CCDC142: variants seen among roughly 807,000 people sequenced by gnomAD.
The protein encoded by CCDC142 is coiled-coil domain-containing protein 142.
CCDC142 carries 67 observed loss-of-function variants against 83.8 expected under a neutral mutation model. The observed-to-expected ratio is 0.80, with a 90% CI of 0.66 to 0.98. The LOEUF (loss-of-function observed/expected upper bound fraction) is 0.98. Ranked by LOEUF, CCDC142 falls within the 50% of genes least tolerant of loss-of-function variation. CCDC142 has a pLI of 0.00. For missense variants in CCDC142, 905 were observed against 946.8 expected (o/e 0.96, Z 0.58); for synonymous variants, 421 against 421.2 (o/e 1.00, Z 0.01).
intron 5 of CCDC142, among the ~76,000 whole-genome samples, chr2:74,479,541 C>T (rs1217774337): frequency 6.6e-6 from 1 of 152,158 alleles, no homozygotes; most frequent in East Asian, 1.9e-4. Context: ...GCTGTTTTTT[C>T]ATTAGTTTTA....
chr2:74,477,533 C>T (rs1672350368), intron 5 of CCDC142, among the ~76,000 whole-genome samples: 1 of 152,162 alleles, frequency 6.6e-6, no homozygotes. Context: ...AACATACCCA[C>T]AAAAGGAACC....
At chr2:74,478,372 T>G (rs1672374244) in intron 5 of CCDC142, among the ~76,000 whole-genome samples, 2 of 151,004 alleles carry the variant, frequency 1.3e-5, no homozygotes, top group African/African-American at 4.9e-5. Context: ...AAAAAATTTT[T>G]TTGTTTTCTG....
At position 74,475,408 on chromosome 2, in the gene CCDC142, A is replaced by G. The variant is rs759022849; in HGVS notation, c.1619-6T>C. 2 of 1,568,912 alleles carry G rather than the reference A, an allele frequency of 1.3e-6. No homozygotes were observed. Among genetic ancestry groups the G allele is most frequent in the Non-Finnish European group, 1.7e-6 (2 of 1,157,918 alleles). On this transcript the variant is annotated splice_polypyrimidine_tract_variant and splice_region_variant and intron_variant, in intron 6 of 8. Transcript: ENST00000393965. ...ACTAGGAGCACTGGGAGGTTCTGGA[A>G]TAGAGAAGACAGAATATAAGGCTGT...
In CCDC142 at chr2:74,475,402, T is replaced by A. The variant is rs138971146; in HGVS notation, c.1619A>T (p.Glu540Val). The A allele has an allele frequency of 2.6e-5, 41 of 1,572,312 alleles. No individual in the cohort carries two copies. The African/African-American group carries it at 5.0e-4, about 19-fold the overall frequency. ...ATACTCACTAGGAGCACTGGGAGGT[T>A]CTGGAATAGAGAAGACAGAATATAA... Reference protein sequence around the residue: ...GRYWRLRLCPEPPSAPSEYAG... With the variant: ...GRYWRLRLCPVPPSAPSEYAG... Residue 540 changes from glutamate to valine, a missense_variant and splice_region_variant, in exon 7 of 9, where the codon GAA (glutamate) becomes GTA (valine). Physicochemically the swap from Glu to Val is moderately radical, Grantham distance 121. Transcript: ENST00000393965.
chr2:74,475,457 G>A, intron 6 of CCDC142, 55 bp from the exon 7 acceptor site: 4 of 1,516,964 alleles, frequency 2.6e-6, no homozygotes, highest in Non-Finnish European at 3.6e-6. Context: ...ACCCCTAAAT[G>A]GAGTGTTTGG....
At chr2:74,477,880 C>A (rs1421201088) in intron 5 of CCDC142, among the ~76,000 whole-genome samples, 1 of 151,794 alleles carries the variant, frequency 6.6e-6, no homozygotes, top group African/African-American at 2.4e-5. Flanking sequence ...CCTGTAATCC[C>A]AGAACTTTGG....
In CCDC142 at chr2:74,477,882, G is replaced by A. The variant is rs532531544; in HGVS notation, c.1504-2156C>T. Among the ~76,000 whole-genome samples the A allele has an allele frequency of 1.4e-4, 22 of 152,044 alleles. No individual in the cohort carries two copies. The East Asian group carries it at 4.3e-3, about 29-fold the overall frequency. ...GTGGAGGCTCATGCCTGTAATCCCA[G>A]AACTTTGGGAGGCCAAGGCGGTGGA... On this transcript the variant is annotated intron_variant, in intron 5 of 8. Coordinates refer to ENST00000393965, the MANE Select transcript of CCDC142 (RefSeq NM_001365575.2).
chr2:74,478,173 T>C (rs1172429285), intron 5 of CCDC142, among the ~76,000 whole-genome samples: 2 of 150,910 alleles, frequency 1.3e-5, no homozygotes, highest in Non-Finnish European at 3.0e-5. Flanking sequence ...GTGATTCTCC[T>C]GCCTCAGCCT....
Position 74,482,471 on chromosome 2 carries a change from T to G in CCDC142, c.367A>C (p.Lys123Gln), listed in dbSNP as rs997338414. Residue 123 changes from lysine (K) to glutamine (Q), a missense_variant, in exon 1 of 9, where the codon AAG becomes CAG. Lys to Gln is a moderately conservative substitution (Grantham distance 53, BLOSUM62 1). Coordinates refer to ENST00000393965, the MANE Select transcript of CCDC142 (RefSeq NM_001365575.2). The surrounding 1 kb of genome is among the most constrained non-coding windows in gnomAD (Gnocchi z 5.0). ...GATGGCGAGCCAGGACTCAGGGTCT[T>G]CATGAGTCGCACAGCCGACTGTAGG... is the stretch of plus-strand genomic sequence containing the variant. ...YHLQSAVRLM[K>Q]TLSPGSPSGG... 1 of 1,551,008 alleles carries G rather than the reference T, an allele frequency of 6.4e-7. No individual in the cohort carries two copies. The highest frequency in any genetic ancestry group is 1.4e-5 in the African/African-American group (1 of 73,310).
chr2:74,482,118 C>G lies in CCDC142; in HGVS notation c.720G>C (p.Thr240=). The part of the protein sequence containing the change: ...FPTSRVLRLL[T]GERGCQVASR... Reference sequence around the variant, plus strand: ...TTGCCACCTGGCAACCCCGCTCCCCCGTCAAGAGGCGGAGCACACGGGACG... The same window carrying G: ...TTGCCACCTGGCAACCCCGCTCCCCGGTCAAGAGGCGGAGCACACGGGACG... Residue 240 remains threonine, a synonymous_variant, in exon 1 of 9, where the codon ACG becomes ACC. Coordinates refer to ENST00000393965, the MANE Select transcript of CCDC142 (RefSeq NM_001365575.2). This position sits in a 1 kb window ranked among gnomAD's most constrained non-coding sequence, Gnocchi z 5.0. 1.2e-6 allele frequency: 2 copies of G among 1,613,672 alleles called. No individual in the cohort carries two copies. The highest frequency in any genetic ancestry group is 8.5e-7 in the Non-Finnish European group (1 of 1,179,968).
intron 5 of CCDC142, among the ~76,000 whole-genome samples, chr2:74,478,615 G>A (rs751311808): frequency 9.3e-5 from 14 of 151,164 alleles, no homozygotes; most frequent in Non-Finnish European, 1.2e-4. Flanking sequence ...GACCTCAGGC[G>A]ATCCACCCAC....
At position 74,482,612 on chromosome 2, in the gene CCDC142, G is replaced by A. The variant is rs754083191; in HGVS notation, c.226C>T (p.Arg76Trp). Residue 76 changes from arginine to tryptophan, a missense_variant, in exon 1 of 9, where the codon CGG becomes TGG. Physicochemically the swap from Arg to Trp is moderately radical, Grantham distance 101. This residue lies in a region of CCDC142 where 591 missense variants were observed against 571.4 expected (regional missense o/e 1.03). Transcript: ENST00000393965. The surrounding 1 kb of genome is among the most constrained non-coding windows in gnomAD (Gnocchi z 5.0). ...ATCGGGCCGCCACCTGCGGGCCCCC[G>A]CCTCCAGGCCGCAGCATCAGCCTCG... Reference protein sequence around the residue: ...DYEADAAAWRRGPAGGGPIPP... With the variant: ...DYEADAAAWRWGPAGGGPIPP... The A allele has an allele frequency of 7.5e-6, 12 of 1,607,286 alleles. No homozygotes were observed. Among genetic ancestry groups the A allele is most frequent in the South Asian group, 1.1e-5 (1 of 90,866 alleles).
chr2:74,473,854 C>T lies in CCDC142; in HGVS notation c.*692G>A, dbSNP rs959629807. 1 of 146,016 alleles carries T rather than the reference C, an allele frequency of 6.8e-6. No individual in the cohort carries two copies. The highest frequency in any genetic ancestry group is 6.9e-5 in the Admixed American group (1 of 14,426). 9.0% of individuals were successfully genotyped at this position (146,016 alleles called of 1,614,324 possible). A position where few individuals can be genotyped will look rare whatever the true frequency, so the allele number is the denominator to read the frequency against. On this transcript the variant is annotated 3_prime_UTR_variant, in exon 9 of 9. Coordinates refer to ENST00000393965, the MANE Select transcript of CCDC142 (RefSeq NM_001365575.2). ...ATGGCACAATCTCGGCTCTCCGCAA[C>T]CTTCGCCTCCTAGGTTCAAGCGATT...
chr2:74,475,759 G>T (rs1672309539), intron 5 of CCDC142, 33 bp from the exon 6 acceptor site: 3 of 1,325,506 alleles, frequency 2.3e-6, no homozygotes, highest in Non-Finnish European at 3.2e-6. Flanking sequence ...AAAGGGGCTT[G>T]TCAAATTATG....
intron 5 of CCDC142, among the ~76,000 whole-genome samples, chr2:74,477,378 G>A (rs762544082): frequency 4.0e-4 from 61 of 152,222 alleles, no homozygotes; most frequent in Non-Finnish European, 8.1e-4. Context: ...TCGGCCTCCC[G>A]AAATGCTGGG....
rs973935320 is a variant in CCDC142, at chr2:74,472,853, G to C, written c.*1693C>G. On this transcript the variant is annotated 3_prime_UTR_variant, in exon 9 of 9. Coordinates refer to ENST00000393965, the MANE Select transcript of CCDC142 (RefSeq NM_001365575.2). Reference sequence around the variant, plus strand: ...GAGGTGGTTTCGGCACAACGCATGGGGGAGCCCAAAGTAGGCTGTCAGCAA... The same window carrying C: ...GAGGTGGTTTCGGCACAACGCATGGCGGAGCCCAAAGTAGGCTGTCAGCAA... 1 of 624,000 alleles carries C rather than the reference G, an allele frequency of 1.6e-6. No homozygotes were observed. Among genetic ancestry groups the C allele is most frequent in the Non-Finnish European group, 2.8e-6 (1 of 356,444 alleles). 38.7% of individuals were successfully genotyped at this position (624,000 alleles called of 1,614,324 possible). A position where few individuals can be genotyped will look rare whatever the true frequency, so the allele number is the denominator to read the frequency against.
At position 74,482,396 on chromosome 2, in the gene CCDC142, G is replaced by A. The variant is rs578046254; in HGVS notation, c.442C>T (p.Pro148Ser). ...PQWCRDLQLH[P>S]SQGAVLRIGP... ...ATTCGCAGAACCGCCCCTTGGGAAG[G>A]GTGCAGCTGCAGGTCGCGGCACCAC... The change falls in exon 1 of 9, where the codon CCT becomes TCT. Residue 148 changes from proline (P) to serine (S), a missense_variant. Physicochemically the swap from Pro to Ser is moderately conservative, Grantham distance 74 (BLOSUM62 -1). Coordinates refer to ENST00000393965, the MANE Select transcript of CCDC142 (RefSeq NM_001365575.2). This position sits in a 1 kb window ranked among gnomAD's most constrained non-coding sequence, Gnocchi z 5.0. The A allele has an allele frequency of 1.9e-6, 3 of 1,570,830 alleles. No individual in the cohort carries two copies. The highest frequency in any genetic ancestry group is 3.9e-5 in the Admixed American group (2 of 51,574).
chr2:74,474,625 C>T lies in CCDC142; in HGVS notation c.2174G>A (p.Trp725Ter). 6.2e-7 allele frequency: 1 copy of T among 1,614,248 alleles called. No homozygotes were observed. Among genetic ancestry groups the T allele is most frequent in the East Asian group, 2.2e-5 (1 of 44,884 alleles). ...TCGCTGGTGTTGCCTGAGGGCAAGC[C>T]AGGCCTGCTGATTTCCCACCAGGTA... ...EGYLVGNQQAWLALRQHQRPR... is the reference protein window; with the variant it reads ...EGYLVGNQQA The change falls in exon 9 of 9, where the codon TGG (tryptophan) becomes TAG (stop). Residue 725 changes from tryptophan to a stop codon, truncating the protein, a stop_gained. Coordinates refer to ENST00000393965, the MANE Select transcript of CCDC142 (RefSeq NM_001365575.2). LOFTEE classifies it high-confidence loss of function.
rs147671196 is a variant in CCDC142 at position 74,482,146 on chromosome 2, G to C, written c.692C>G (p.Pro231Arg). 9 of 1,613,646 alleles carry C rather than the reference G, an allele frequency of 5.6e-6. No homozygotes were observed. The highest frequency in any genetic ancestry group is 7.6e-6 in the Non-Finnish European group (9 of 1,179,972). The change falls in exon 1 of 9, where the codon CCC (proline) becomes CGC (arginine). Residue 231 changes from proline (P) to arginine (R), a missense_variant. Pro to Arg is a moderately radical substitution (Grantham distance 103, BLOSUM62 -2). Transcript: ENST00000393965. This position sits in a 1 kb window ranked among gnomAD's most constrained non-coding sequence, Gnocchi z 5.0. The stretch of plus-strand genomic sequence containing the variant: ...CAAGAGGCGGAGCACACGGGACGTG[G>C]GGAAAGGACGTGCGGCCCCTGGGAC... ...SHVPGAARPFPTSRVLRLLTG... is the reference protein window; with the variant it reads ...SHVPGAARPFRTSRVLRLLTG...
Sources: gnomAD v4.1 joint callset for allele counts (sites outside exome capture counted in the v4.1 genomes callset) on GRCh38, gnomAD v4.1.1 for gene constraint, gnomAD v4.1.1 regional missense constraint, Gnocchi (gnomAD v3.1) non-coding constraint, MANE v1.5 for transcripts, NCBI Gene and HGNC (gene_info 2026-07-23, HGNC 2026-07-21) for gene names.